CAD: variants seen among roughly 807,000 people sequenced by gnomAD.
CAD encodes carbamoyl-phosphate synthetase 2, aspartate transcarbamylase, and dihydroorotase.
In CAD, 81 loss-of-function variants were observed where a neutral mutation model predicts 237.2. That is an observed-to-expected ratio of 0.34 (90% CI 0.29 to 0.41). The LOEUF (loss-of-function observed/expected upper bound fraction) is 0.41. Among genes scored for constraint, CAD ranks in the 10% least tolerant of loss-of-function variants. CAD has a pLI of 1.00. For synonymous variants in CAD, 1,196 were observed against 1,162.8 expected (o/e 1.03, Z -0.58); for missense variants, 2,181 against 2,951.7 (o/e 0.74, Z 6.05).
chr2:27,222,931 A>G lies in CAD; in HGVS notation c.703A>G (p.Thr235Ala). 6.2e-7 allele frequency: 1 copy of G among 1,614,178 alleles called. No individual in the cohort carries two copies. Among genetic ancestry groups the G allele is most frequent in the Non-Finnish European group, 8.5e-7 (1 of 1,180,024 alleles). Reference protein sequence around the residue: ...DPASYPSVVSTLSRVLSEPNP... With the variant: ...DPASYPSVVSALSRVLSEPNP... ...TGCCTCCTATCCCAGTGTCGTATCC[A>G]CACTGAGCCGTGTTTTATCTGAGCC... The change falls in exon 6 of 44, where the codon ACA becomes GCA. Residue 235 changes from threonine to alanine, a missense_variant. Transcript: ENST00000264705.
In CAD at chr2:27,239,270, C is replaced by T. The variant is rs759249981; in HGVS notation, c.5253+38C>T. On this transcript the variant is annotated intron_variant, in intron 32 of 43. Transcript: ENST00000264705. This position sits in a 1 kb window ranked among gnomAD's most constrained non-coding sequence, Gnocchi z 4.0. The stretch of plus-strand genomic sequence containing the variant: ...GGCCCAGAGCAGGAGGGGGGCTCTC[C>T]AGCCCTAGGATATGTTCTCTGGGGA... 20 of 1,601,554 alleles carry T rather than the reference C, an allele frequency of 1.2e-5. No homozygotes were observed. In the Admixed American group the frequency reaches 2.0e-4, roughly 16 times the overall value.
At position 27,236,885 on chromosome 2, in the gene CAD, A is replaced by C. The variant is rs1676037619; in HGVS notation, c.4396+55A>C. On this transcript the variant is annotated intron_variant, in intron 27 of 43. Transcript: ENST00000264705. This position sits in a 1 kb window ranked among gnomAD's most constrained non-coding sequence, Gnocchi z 4.1. ...AACACTGGCAGCCCCTGGCATAGAGACCTGCAGTGTGGTGAAGGATGGCTG... is the reference window on the plus strand; with the variant it reads ...AACACTGGCAGCCCCTGGCATAGAGCCCTGCAGTGTGGTGAAGGATGGCTG... 3 of 1,448,338 alleles carry C rather than the reference A, an allele frequency of 2.1e-6. No individual in the cohort carries two copies. The highest frequency in any genetic ancestry group is 2.9e-6 in the Non-Finnish European group (3 of 1,028,842). The allele number at this position is 1,448,338 out of a possible 1,614,324, so 89.7% of individuals were successfully genotyped here.
intron 11 of CAD, 71 bp downstream of exon 11, chr2:27,225,314 T>C: frequency 1.0e-6 from 1 of 989,824 alleles, no homozygotes; most frequent in East Asian, 2.6e-5. Flanking sequence ...TTTTTTTTTT[T>C]TTTTTTTTTG....
rs1403565591 is a variant in CAD, at chr2:27,237,926, C to T, written c.4728+44C>T. 3.2e-6 allele frequency: 5 copies of T among 1,580,360 alleles called. No homozygotes were observed. The East Asian group carries it at 1.1e-4, about 36-fold the overall frequency. On this transcript the variant is annotated intron_variant, in intron 29 of 43. Coordinates refer to ENST00000264705, the MANE Select transcript of CAD (RefSeq NM_004341.5). This position sits in a 1 kb window ranked among gnomAD's most constrained non-coding sequence, Gnocchi z 4.0. ...GCAGGAGGCCACCACCCAGTGTCTC[C>T]TGGCTTGTGGGCCCCTGCCTAAGTG...
chr2:27,241,111 C>G lies in CAD; in HGVS notation c.5692C>G (p.Gln1898Glu), dbSNP rs1170145653. 6.2e-7 allele frequency: 1 copy of G among 1,609,464 alleles called. No individual in the cohort carries two copies. Residue 1898 changes from glutamine (Q) to glutamate (E), a missense_variant, in exon 37 of 44, where the codon CAG (glutamine) becomes GAG (glutamate). Gln to Glu is a conservative substitution (Grantham distance 29). Transcript: ENST00000264705. The surrounding 1 kb of genome is among the most constrained non-coding windows in gnomAD (Gnocchi z 4.6). ...TCYPPPPVPR[Q>E]ASPQNLGTPG... Reference sequence around the variant, plus strand: ...CTACCCTCCACCACCAGTACCGAGACAGGCATCTCCCCAGAACCTGGGGAC... The same window carrying G: ...CTACCCTCCACCACCAGTACCGAGAGAGGCATCTCCCCAGAACCTGGGGAC...
rs1179424871 is a variant in CAD, at chr2:27,218,461, G to GTT, written c.222+453_222+454dup. ...TAGTTTGGTAAAGGATCCATTGAAG[G>GTT]TTTTTTTTTAGCAGCAGAGTCAGAT... On this transcript the variant is annotated intron_variant, in intron 2 of 43. Transcript: ENST00000264705. 4.0e-5 allele frequency among the ~76,000 whole-genome samples: 6 copies of GTT among 151,530 alleles called. No homozygotes were observed. In the South Asian group the frequency reaches 1.0e-3, roughly 26 times the overall value.
At position 27,242,203 on chromosome 2, in the gene CAD, G is replaced by C; in HGVS notation, c.6096+80G>C. 6.3e-7 allele frequency: 1 copy of C among 1,587,028 alleles called. No individual in the cohort carries two copies. Among genetic ancestry groups the C allele is most frequent in the South Asian group, 1.1e-5 (1 of 88,316 alleles). ...GAGAACCCTTCTGCCCACGTTTTCT[G>C]TGTTTTGGGCCAGATGAGTGAGGGG... On this transcript the variant is annotated intron_variant, in intron 39 of 43. Coordinates refer to ENST00000264705, the MANE Select transcript of CAD (RefSeq NM_004341.5). The surrounding 1 kb of genome is among the most constrained non-coding windows in gnomAD (Gnocchi z 6.4).
At position 27,241,765 on chromosome 2, in the gene CAD, A is replaced by G; in HGVS notation, c.5884-146A>G. ...GAGTGACACCAGTGGTGGAAACGTC[A>G]AGGCTCTGACAGGTCACAGGGGAGG... On this transcript the variant is annotated intron_variant, in intron 38 of 43. Coordinates refer to ENST00000264705, the MANE Select transcript of CAD (RefSeq NM_004341.5). This position sits in a 1 kb window ranked among gnomAD's most constrained non-coding sequence, Gnocchi z 4.6. 3.1e-6 allele frequency: 2 copies of G among 646,704 alleles called. No individual in the cohort carries two copies. The highest frequency in any genetic ancestry group is 3.8e-5 in the South Asian group (2 of 52,276). The allele number at this position is 646,704 out of a possible 1,614,324, so 40.1% of individuals were successfully genotyped here.
rs552916887 is a variant in CAD at position 27,225,115 on chromosome 2, G to A, written c.1492G>A (p.Gly498Arg). Reference sequence around the variant, plus strand: ...CAAGGCCGGGGTGCTGGCTCGGTATGGGGTCCGGGTCCTGGGCACACCAGT... The same window carrying A: ...CAAGGCCGGGGTGCTGGCTCGGTATAGGGTCCGGGTCCTGGGCACACCAGT... ...LTKAGVLARY[G>R]VRVLGTPVET... Residue 498 changes from glycine to arginine, a missense_variant, in exon 11 of 44, where the codon GGG (glycine) becomes AGG (arginine). Gly to Arg is a moderately radical substitution (Grantham distance 125). Transcript: ENST00000264705. The A allele has an allele frequency of 6.2e-7, 1 of 1,614,144 alleles. No homozygotes were observed. The highest frequency in any genetic ancestry group is 8.5e-7 in the Non-Finnish European group (1 of 1,180,024).
chr2:27,241,442 T>C lies in CAD; in HGVS notation c.5883+46T>C. The C allele has an allele frequency of 1.3e-6, 2 of 1,592,502 alleles. No individual in the cohort carries two copies. Among genetic ancestry groups the C allele is most frequent in the Admixed American group, 1.7e-5 (1 of 59,982 alleles). On this transcript the variant is annotated intron_variant, in intron 38 of 43. Transcript: ENST00000264705. This position sits in a 1 kb window ranked among gnomAD's most constrained non-coding sequence, Gnocchi z 4.6. Reference sequence around the variant, plus strand: ...TAGGGTCCAGGCCATCGCCTGCCCTTGGGCCGCATCAGCGCAGGGCCGCGC... The same window carrying C: ...TAGGGTCCAGGCCATCGCCTGCCCTCGGGCCGCATCAGCGCAGGGCCGCGC...
chr2:27,226,671 C>T, intron 14 of CAD, 22 bp downstream of exon 14: 3 of 1,613,584 alleles, frequency 1.9e-6, no homozygotes, highest in Non-Finnish European at 2.5e-6. Context: ...AGGGAGATAT[C>T]ACAGTGGGGA....
In CAD at chr2:27,237,930, C is replaced by T. The variant is rs1558541895; in HGVS notation, c.4728+48C>T. 2 of 1,577,782 alleles carry T rather than the reference C, an allele frequency of 1.3e-6. No individual in the cohort carries two copies. Among genetic ancestry groups the T allele is most frequent in the Non-Finnish European group, 1.7e-6 (2 of 1,159,234 alleles). ...GAGGCCACCACCCAGTGTCTCCTGG[C>T]TTGTGGGCCCCTGCCTAAGTGGGCT... On this transcript the variant is annotated intron_variant, in intron 29 of 43. Transcript: ENST00000264705. The surrounding 1 kb of genome is among the most constrained non-coding windows in gnomAD (Gnocchi z 4.0).
rs756647191 is a variant in CAD at position 27,225,815 on chromosome 2, C to T, written c.1731C>T (p.Leu577=). The part of the protein sequence containing the change: ...FASNREELSA[L]VAPAFAHTSQ... The stretch of plus-strand genomic sequence containing the variant: ...CTAACAGGGAGGAGCTCTCTGCTCT[C>T]GTGGCCCCAGCTTTTGCCCATACCA... The change falls in exon 12 of 44, where the codon CTC becomes CTT. Residue 577 remains leucine (L), a synonymous_variant. Transcript: ENST00000264705. The T allele has an allele frequency of 2.2e-5, 36 of 1,614,012 alleles. No homozygotes were observed. Among genetic ancestry groups the T allele is most frequent in the Non-Finnish European group, 2.7e-5 (32 of 1,180,002 alleles).
At position 27,232,014 on chromosome 2, in the gene CAD, T is replaced by C. The variant is rs778232460; in HGVS notation, c.2435T>C (p.Val812Ala). ...LETPTDKRIF[V>A]VAAALWAGYS... The stretch of plus-strand genomic sequence containing the variant: ...ACTCCAACAGATAAGCGGATTTTTG[T>C]GGTGGCAGCTGCTTTGTGGGCTGGT... The change falls in exon 17 of 44, where the codon GTG becomes GCG. Residue 812 changes from valine to alanine, a missense_variant. Physicochemically the swap from Val to Ala is moderately conservative, Grantham distance 64 (BLOSUM62 0). Around this residue, in one of 12 missense-constraint regions of CAD, gnomAD observed 385 missense variants for 535.1 expected, o/e 0.72. Coordinates refer to ENST00000264705, the MANE Select transcript of CAD (RefSeq NM_004341.5). This position sits in a 1 kb window ranked among gnomAD's most constrained non-coding sequence, Gnocchi z 4.1. 6.2e-7 allele frequency: 1 copy of C among 1,614,248 alleles called. No individual in the cohort carries two copies. The highest frequency in any genetic ancestry group is 8.5e-7 in the Non-Finnish European group (1 of 1,180,046).
In CAD at chr2:27,237,869, T is replaced by A. The variant is rs1254136087; in HGVS notation, c.4715T>A (p.Val1572Asp). 6.2e-7 allele frequency: 1 copy of A among 1,611,640 alleles called. No individual in the cohort carries two copies. Among genetic ancestry groups the A allele is most frequent in the African/African-American group, 1.3e-5 (1 of 74,898 alleles). Residue 1572 changes from valine to aspartate, a missense_variant, in exon 29 of 44, where the codon GTC (valine) becomes GAC (aspartate). Transcript: ENST00000264705. This position sits in a 1 kb window ranked among gnomAD's most constrained non-coding sequence, Gnocchi z 4.0. ...TFSELRLDSV[V>D]QWMEHFETWP... ...TCTGAGCTGCGGCTGGACAGCGTGG[T>A]CCAGTGGATGGAGGTAGGGAGTGTG...
At chr2:27,228,314 AT>A (rs1361086431) in intron 15 of CAD, among the ~76,000 whole-genome samples, 2 of 152,242 alleles carry the variant, frequency 1.3e-5, no homozygotes, top group African/African-American at 4.8e-5. Flanking sequence ...TAAACTTTGT[AT>A]TATGAAGCAC....
Position 27,217,934 on chromosome 2 carries a change from C to T in CAD, c.140C>T (p.Ala47Val). ...PEALTDPSYK[A>V]QILVLTYPLI... ...GCCCTCACTGATCCCTCCTACAAGGCACAGATCTTAGTGCTCACCTATCCT... is the reference window on the plus strand; with the variant it reads ...GCCCTCACTGATCCCTCCTACAAGGTACAGATCTTAGTGCTCACCTATCCT... Residue 47 changes from alanine to valine, a missense_variant, in exon 2 of 44, where the codon GCA becomes GTA. Physicochemically the swap from Ala to Val is moderately conservative, Grantham distance 64. Coordinates refer to ENST00000264705, the MANE Select transcript of CAD (RefSeq NM_004341.5). 1 of 1,613,416 alleles carries T rather than the reference C, an allele frequency of 6.2e-7. No individual in the cohort carries two copies. The highest frequency in any genetic ancestry group is 2.2e-5 in the East Asian group (1 of 44,830).
In CAD at chr2:27,236,241, G is replaced by A. The variant is rs1036504698; in HGVS notation, c.4075-43G>A. On this transcript the variant is annotated intron_variant, in intron 25 of 43. Coordinates refer to ENST00000264705, the MANE Select transcript of CAD (RefSeq NM_004341.5). This position sits in a 1 kb window ranked among gnomAD's most constrained non-coding sequence, Gnocchi z 4.1. ...TCCCTTAAGGCTAGCCTTCCTGACCGCTGCCAGACAGCTTGGCCCTGACCT... is the reference window on the plus strand; with the variant it reads ...TCCCTTAAGGCTAGCCTTCCTGACCACTGCCAGACAGCTTGGCCCTGACCT... 1.2e-5 allele frequency: 20 copies of A among 1,601,962 alleles called. No homozygotes were observed. The highest frequency in any genetic ancestry group is 5.4e-5 in the African/African-American group (4 of 74,608).
Position 27,240,762 on chromosome 2 carries a change from T to C in CAD, c.5594-149T>C, listed in dbSNP as rs1433096176. Reference sequence around the variant, plus strand: ...GCCACCTGTCTGTCCCCAGAGCTGCTGCAGTCCCCTGCCCTCCCCTAACCT... The same window carrying C: ...GCCACCTGTCTGTCCCCAGAGCTGCCGCAGTCCCCTGCCCTCCCCTAACCT... On this transcript the variant is annotated intron_variant, in intron 35 of 43. Transcript: ENST00000264705. This position sits in a 1 kb window ranked among gnomAD's most constrained non-coding sequence, Gnocchi z 4.6. The C allele has an allele frequency of 7.8e-6, 9 of 1,155,798 alleles. No homozygotes were observed. In the African/African-American group the frequency reaches 1.2e-4, roughly 16 times the overall value. The allele number at this position is 1,155,798 out of a possible 1,614,324, so 71.6% of individuals were successfully genotyped here.
Sources: gnomAD v4.1 joint callset for allele counts (sites outside exome capture counted in the v4.1 genomes callset) on GRCh38, gnomAD v4.1.1 for gene constraint, gnomAD v4.1.1 regional missense constraint, Gnocchi (gnomAD v3.1) non-coding constraint, MANE v1.5 for transcripts, NCBI Gene and HGNC (gene_info 2026-07-23, HGNC 2026-07-21) for gene names.